The following PLPPR3 variants were observed in gnomAD, a reference collection of about 807,000 sequenced individuals.
PLPPR3 encodes phospholipid phosphatase-related protein type 3.
PLPPR3 carries 14 observed loss-of-function variants against 27.3 expected under a neutral mutation model. The observed-to-expected ratio is 0.51, with a 90% CI of 0.34 to 0.80. The LOEUF is 0.80. PLPPR3 is among the 30% of genes least tolerant of loss of function. The pLI is 0.01. For synonymous variants in PLPPR3, 671 were observed against 508.0 expected, an observed-to-expected ratio of 1.32 and a Z score of -4.32; for missense variants, 1,287 against 1,056.9, an observed-to-expected ratio of 1.22 and a Z score of -3.02.
In PLPPR3 at chr19:815,254, GCC is replaced by G; in HGVS notation, c.333_334del (p.Ala112GlyfsTer207). ...GCCGCCGGCGTTGATGCTGCCCTCC[GCC>G]CCGGCGGGCCCCCCGGCACGGCCCC... On this transcript the variant is annotated frameshift_variant, in exon 4 of 8. Transcript: ENST00000520876. LOFTEE classifies it high-confidence loss of function. 1 of 1,567,922 alleles carries G rather than the reference GCC, an allele frequency of 6.4e-7. No homozygotes were observed.
chr19:812,997 G>T lies in PLPPR3; in HGVS notation c.1730C>A (p.Ser577Tyr). ...CGCGTCGATGGTCACGATGCTGGCG[G>T]AGTCGCGGTCCGACGGCGACCGGTA... ...SQYRSPSDRD[S>Y]ASIVTIDAHA... Residue 577 changes from serine (S) to tyrosine (Y), a missense_variant, in exon 8 of 8, where the codon TCC becomes TAC. Transcript: ENST00000520876. 1.3e-6 allele frequency: 2 copies of T among 1,514,962 alleles called. No individual in the cohort carries two copies. The highest frequency in any genetic ancestry group is 1.4e-5 in the African/African-American group (1 of 69,348). The allele number at this position is 1,514,962 out of a possible 1,614,324, so 93.8% of individuals were successfully genotyped here. A position where few individuals can be genotyped will look rare whatever the true frequency, so the allele number is the denominator to read the frequency against.
intron 3 of PLPPR3, 114 bp from the exon 4 acceptor site, chr19:815,441 C>A (rs781552759): frequency 8.1e-7 from 1 of 1,236,066 alleles, no homozygotes; most frequent in Non-Finnish European, 1.1e-6. Flanking sequence ...GGATGTTCAC[C>A]GAGGTGGCGG....
intron 2 of PLPPR3, among the ~76,000 whole-genome samples, chr19:819,700 G>C (rs2035118056): frequency 6.6e-6 from 1 of 152,168 alleles, no homozygotes; most frequent in Non-Finnish European, 1.5e-5. Flanking sequence ...CGGGTGTGAG[G>C]TAACGGATTA....
In PLPPR3 at chr19:812,762, G is replaced by A; in HGVS notation, c.1965C>T (p.Ala655=). The A allele has an allele frequency of 2.8e-6, 3 of 1,078,124 alleles. No homozygotes were observed. The East Asian group carries it at 1.8e-4, about 64-fold the overall frequency. 66.8% of individuals were successfully genotyped at this position (1,078,124 alleles called of 1,614,324 possible). A position where few individuals can be genotyped will look rare whatever the true frequency, so the allele number is the denominator to read the frequency against. Residue 655 remains alanine, a synonymous_variant, in exon 8 of 8, where the codon GCC becomes GCT. Transcript: ENST00000520876. ...DVDQEEPRFG[A]VATVNLATGE... ...CCGTGGCCAGGTTGACGGTGGCCAC[G>A]GCCCCGAACCGCGGCTCCTCCTGGT...
At chr19:818,358 G>C (rs2035093786) in intron 2 of PLPPR3, among the ~76,000 whole-genome samples, 1 of 151,808 alleles carries the variant, frequency 6.6e-6, no homozygotes, top group East Asian at 1.9e-4. Flanking sequence ...ACTCCAGCTT[G>C]GGCAAGACAG....
chr19:816,833 CCATT>C (rs2035069711), intron 2 of PLPPR3, among the ~76,000 whole-genome samples: 1 of 150,870 alleles, frequency 6.6e-6, no homozygotes, highest in Non-Finnish European at 1.5e-5. Flanking sequence ...CATCACCTAG[CCATT>C]CATTCATCTA....
intron 3 of PLPPR3, among the ~76,000 whole-genome samples, 169 bp from the exon 4 acceptor site, chr19:815,496 G>A (rs1020977570): frequency 5.3e-5 from 8 of 150,336 alleles, no homozygotes; most frequent in Admixed American, 6.6e-5. Context: ...CACAGGCCCC[G>A]GTGTGGATGT....
chr19:817,257 C>T (rs764176114), intron 2 of PLPPR3, among the ~76,000 whole-genome samples: 2 of 152,080 alleles, frequency 1.3e-5, no homozygotes, highest in Admixed American at 6.6e-5. Flanking sequence ...GGATTAGAGG[C>T]GTGAGGCACC....
At chr19:821,155 C>T (rs2035137541) in intron 2 of PLPPR3, among the ~76,000 whole-genome samples, 1 of 150,120 alleles carries the variant, frequency 6.7e-6, no homozygotes, top group Non-Finnish European at 1.5e-5. Context: ...TGCACCCAAC[C>T]CCACCCCCTC....
At chr19:819,711 C>T (rs576161954) in intron 2 of PLPPR3, among the ~76,000 whole-genome samples, 1 of 152,322 alleles carries the variant, frequency 6.6e-6, no homozygotes, top group East Asian at 1.9e-4. Flanking sequence ...TAACGGATTA[C>T]AGGCCAGCCG....
intron 2 of PLPPR3, among the ~76,000 whole-genome samples, 174 bp from the exon 3 acceptor site, chr19:816,025 T>C (rs2035047223): frequency 6.6e-6 from 1 of 151,786 alleles, no homozygotes; most frequent in Admixed American, 6.6e-5. Flanking sequence ...GCTCCATCTG[T>C]AACTCGACCA....
Position 813,374 on chromosome 19 carries a change from T to TTCCTCCTCC in PLPPR3, c.1352_1353insGGAGGAGGA (p.Glu457_Glu459dup). Reference sequence around the variant, plus strand: ...CCTCCTCCTCTTCCTCCTCCTCCTCTTCCTCTTCGTCCTCCTCCTCTTCCT... The same window carrying TTCCTCCTCC: ...CCTCCTCCTCTTCCTCCTCCTCCTCTTCCTCCTCCTCCTCTTCGTCCTCCTCCTCTTCCT... On this transcript the variant is annotated inframe_insertion, in exon 8 of 8. Coordinates refer to ENST00000520876, the MANE Select transcript of PLPPR3 (RefSeq NM_001270366.2). The surrounding 1 kb of genome is among the most constrained non-coding windows in gnomAD (Gnocchi z 4.1). 1 of 1,494,852 alleles carries TTCCTCCTCC rather than the reference T, an allele frequency of 6.7e-7. No individual in the cohort carries two copies. The highest frequency in any genetic ancestry group is 8.8e-7 in the Non-Finnish European group (1 of 1,130,012). 92.6% of individuals were successfully genotyped at this position (1,494,852 alleles called of 1,614,324 possible).
chr19:816,270 C>T (rs1396782866), intron 2 of PLPPR3, among the ~76,000 whole-genome samples: 1 of 150,028 alleles, frequency 6.7e-6, no homozygotes, highest in East Asian at 2.0e-4. Context: ...GTCCATCCAT[C>T]CATCCATCAT....
In PLPPR3 at chr19:820,543, A is replaced by G. The variant is rs553313673; in HGVS notation, c.75+942T>C. 2.0e-5 allele frequency among the ~76,000 whole-genome samples: 3 copies of G among 147,300 alleles called. No homozygotes were observed. The East Asian group carries it at 6.2e-4, about 31-fold the overall frequency. ...TGTCTTCTTTTTTTTTTTCTAAGACAGGGCCTTGCTCTGTTGCCCAGGCTG... is the reference window on the plus strand; with the variant it reads ...TGTCTTCTTTTTTTTTTTCTAAGACGGGGCCTTGCTCTGTTGCCCAGGCTG... On this transcript the variant is annotated intron_variant, in intron 2 of 7. Transcript: ENST00000520876.
chr19:819,568 G>C (rs1211427390), intron 2 of PLPPR3, among the ~76,000 whole-genome samples: 2 of 152,102 alleles, frequency 1.3e-5, no homozygotes, highest in African/African-American at 4.8e-5. Context: ...GGGATTATAG[G>C]TGTGAGCCAC....
At position 813,314 on chromosome 19, in the gene PLPPR3, G is replaced by A. The variant is rs1271963676; in HGVS notation, c.1413C>T (p.Thr471=). Residue 471 remains threonine, a synonymous_variant, in exon 8 of 8, where the codon ACC becomes ACT. Transcript: ENST00000520876. The surrounding 1 kb of genome is among the most constrained non-coding windows in gnomAD (Gnocchi z 4.1). ...EGPAPPSLYP[T]VQARPGLGPR... is the part of the protein sequence containing the mutation. ...GCCCCAGCCCCGGCCGCGCCTGCAC[G>A]GTGGGGTAGAGCGAGGGCGGGGCCG... The A allele has an allele frequency of 1.4e-6, 2 of 1,466,034 alleles. No homozygotes were observed. The highest frequency in any genetic ancestry group is 1.8e-6 in the Non-Finnish European group (2 of 1,120,678). The allele number at this position is 1,466,034 out of a possible 1,614,324, so 90.8% of individuals were successfully genotyped here. A position where few individuals can be genotyped will look rare whatever the true frequency, so the allele number is the denominator to read the frequency against.
At position 821,580 on chromosome 19, in the gene PLPPR3, C is replaced by G. The variant is rs771156310; in HGVS notation, c.-21G>C. The G allele has an allele frequency of 6.5e-5, 95 of 1,464,556 alleles. 1 individual carries two copies. Among genetic ancestry groups the G allele is most frequent in the Non-Finnish European group, 7.9e-5 (87 of 1,098,822 alleles). The allele number at this position is 1,464,556 out of a possible 1,614,324, so 90.7% of individuals were successfully genotyped here. ...ATCATGGTGCCGCGGGCGCCGCAGG[C>G]CGTGGCTGGAGGGGAGAAAGCGGCG... On this transcript the variant is annotated 5_prime_UTR_variant, in exon 2 of 8. Transcript: ENST00000520876.
chr19:814,503 C>G lies in PLPPR3; in HGVS notation c.762G>C (p.Thr254=), dbSNP rs764827444. The G allele has an allele frequency of 6.2e-7, 1 of 1,610,846 alleles. No individual in the cohort carries two copies. Among genetic ancestry groups the G allele is most frequent in the Admixed American group, 1.7e-5 (1 of 59,992 alleles). ...AAGVCGLTQI[T]QYRSHPVDVY... is the part of the protein sequence containing the mutation. ...CGTCCACAGGGTGGCTGCGGTACTG[C>G]GTGATCTGCGTGAGCCCGCATACGC... Residue 254 remains threonine (T), a synonymous_variant, in exon 7 of 8, where the codon ACG becomes ACC. Transcript: ENST00000520876.
intron 2 of PLPPR3, among the ~76,000 whole-genome samples, chr19:820,803 G>A (rs1308644832): frequency 2.0e-5 from 3 of 151,966 alleles, no homozygotes; most frequent in Non-Finnish European, 2.9e-5. Context: ...GATTACAGGC[G>A]TGAGCCACAG....
Sources: gnomAD v4.1 joint callset for allele counts (sites outside exome capture counted in the v4.1 genomes callset) on GRCh38, gnomAD v4.1.1 for gene constraint, Gnocchi (gnomAD v3.1) non-coding constraint, MANE v1.5 for transcripts, NCBI Gene and HGNC (gene_info 2026-07-23, HGNC 2026-07-21) for gene names.